The following RALGAPA2 variants were observed in gnomAD, a reference collection of about 807,000 sequenced individuals.
RALGAPA2 encodes the protein Ral GTPase activating protein catalytic subunit alpha 2.
In RALGAPA2, 139 loss-of-function variants were observed where a neutral mutation model predicts 230.4. The ratio of observed to expected loss-of-function variants is 0.60; its 90% CI spans 0.53 to 0.69. RALGAPA2 has a LOEUF of 0.69. Among genes scored for constraint, RALGAPA2 ranks in the 30% least tolerant of loss-of-function variants. The pLI is 0.00. For missense variants in RALGAPA2, 2,163 were observed against 2,276.0 expected, an observed-to-expected ratio of 0.95 and a Z score of 1.01; for synonymous variants, 847 against 837.8, an observed-to-expected ratio of 1.01 and a Z score of -0.19.
intron 3 of RALGAPA2, 85 bp downstream of exon 3, chr20:20,676,151 A>G: frequency 1.0e-6 from 1 of 980,464 alleles, no homozygotes; most frequent in East Asian, 2.8e-5. Context: ...AGCCATTTTT[A>G]TTTGTCTTCA....
At chr20:20,563,971 T>C (rs1021829427) in intron 23 of RALGAPA2, among the ~76,000 whole-genome samples, 5 of 152,162 alleles carry the variant, frequency 3.3e-5, no homozygotes, top group African/African-American at 1.2e-4. Context: ...ACCTTGCCCC[T>C]GGGCTATTAT....
chr20:20,394,889 CAA>C (rs10673778), intron 39 of RALGAPA2, among the ~76,000 whole-genome samples: 2 of 44,642 alleles, frequency 4.5e-5, no homozygotes, highest in African/African-American at 1.8e-4. Flanking sequence ...AATAAATAAG[CAA>C]AAAAAAAAAA....
chr20:20,679,009 A>G (rs1210531748), intron 2 of RALGAPA2, among the ~76,000 whole-genome samples: 3 of 152,134 alleles, frequency 2.0e-5, no homozygotes, highest in Non-Finnish European at 4.4e-5. Flanking sequence ...TCCTTTGCAT[A>G]TACCCAATAA....
At chr20:20,503,832 T>C (rs1273671716) in intron 34 of RALGAPA2, among the ~76,000 whole-genome samples, 2 of 152,188 alleles carry the variant, frequency 1.3e-5, no homozygotes, top group Non-Finnish European at 2.9e-5. Flanking sequence ...GGTTCCCTAT[T>C]GATGGATTTT....
At chr20:20,615,032 C>T (rs1428311071) in intron 13 of RALGAPA2, among the ~76,000 whole-genome samples, 1 of 151,976 alleles carries the variant, frequency 6.6e-6, no homozygotes, top group Non-Finnish European at 1.5e-5. Context: ...GCTTGAGGAG[C>T]ATTTTAAAGG....
chr20:20,512,466 C>T, intron 32 of RALGAPA2, 47 bp downstream of exon 32: 3 of 1,462,112 alleles, frequency 2.1e-6, no homozygotes, highest in Non-Finnish European at 2.7e-6. Flanking sequence ...AGAACAAGTA[C>T]ATGAAAATAA....
intron 13 of RALGAPA2, among the ~76,000 whole-genome samples, chr20:20,614,465 G>T (rs2066072268): frequency 6.6e-6 from 1 of 152,168 alleles, no homozygotes. Flanking sequence ...TATTTCAGTT[G>T]AAAGCATATA....
At chr20:20,674,822 G>A (rs2144280) in intron 3 of RALGAPA2, among the ~76,000 whole-genome samples, 12,965 of 152,232 alleles carry the variant, frequency 0.085, 812 homozygotes, top group African/African-American at 0.16. Context: ...GTACAAATAT[G>A]TGTGGCAAAG....
At chr20:20,584,438 T>C (rs981279808) in intron 19 of RALGAPA2, among the ~76,000 whole-genome samples, 8 of 152,148 alleles carry the variant, frequency 5.3e-5, no homozygotes, top group Non-Finnish European at 1.2e-4. Flanking sequence ...TGTTTTATTA[T>C]ATGTATGGAT....
At chr20:20,501,619 A>T (rs2062379239) in intron 35 of RALGAPA2, among the ~76,000 whole-genome samples, 1 of 152,224 alleles carries the variant, frequency 6.6e-6, no homozygotes, top group Non-Finnish European at 1.5e-5. Flanking sequence ...CGTTTTCTTT[A>T]TCATTCATGT....
chr20:20,591,411 T>C (rs1016234282), intron 16 of RALGAPA2, 97 bp from the exon 17 acceptor site: 1 of 1,336,984 alleles, frequency 7.5e-7, no homozygotes, highest in African/African-American at 1.5e-5. Flanking sequence ...AAGTTTCAAA[T>C]GCTTTTCACA....
chr20:20,610,598 C>T (rs73292782), intron 14 of RALGAPA2, among the ~76,000 whole-genome samples: 1,671 of 152,280 alleles, frequency 0.011, 27 homozygotes, highest in African/African-American at 0.038. Flanking sequence ...TTAGTACCAC[C>T]CACCTTAAAC....
intron 11 of RALGAPA2, 24 bp downstream of exon 11, chr20:20,620,439 C>T (rs1421375374): frequency 1.2e-6 from 2 of 1,610,184 alleles, no homozygotes; most frequent in Non-Finnish European, 1.7e-6. Context: ...ACCCTCAACT[C>T]AAAAGACAAG....
chr20:20,675,724 T>A (rs553104303), intron 3 of RALGAPA2, among the ~76,000 whole-genome samples: 1 of 152,162 alleles, frequency 6.6e-6, no homozygotes, highest in Middle Eastern at 3.2e-3. Context: ...ATAAAGATCA[T>A]AACCTCACTA....
chr20:20,458,530 TTATATATAATATATATGTATTTTA>T (rs2061189947), intron 37 of RALGAPA2, among the ~76,000 whole-genome samples: 1 of 137,928 alleles, frequency 7.3e-6, no homozygotes, highest in Non-Finnish European at 1.5e-5. Flanking sequence ...TTTATATATA[TTATATATAATATATATGTATTTTA>T]TATATATTAT....
intron 20 of RALGAPA2, among the ~76,000 whole-genome samples, chr20:20,574,464 T>C (rs2064756068): frequency 6.6e-6 from 1 of 152,202 alleles, no homozygotes; most frequent in South Asian, 2.1e-4. Flanking sequence ...GTTATAGAAT[T>C]TTGTTCTTTG....
chr20:20,425,132 T>C (rs1177640842), intron 37 of RALGAPA2, among the ~76,000 whole-genome samples: 1 of 152,170 alleles, frequency 6.6e-6, no homozygotes, highest in Non-Finnish European at 1.5e-5. Flanking sequence ...TGATATACGA[T>C]AGATAACAAG....
intron 29 of RALGAPA2, 98 bp from the exon 30 acceptor site, chr20:20,524,641 A>G (rs1003126586): frequency 6.7e-7 from 1 of 1,487,902 alleles, no homozygotes. Context: ...TATTCAGTGG[A>G]CATGCAGGTG....
intron 33 of RALGAPA2, among the ~76,000 whole-genome samples, chr20:20,506,337 A>T (rs1173121824): frequency 6.6e-6 from 1 of 152,190 alleles, no homozygotes; most frequent in Non-Finnish European, 1.5e-5. Context: ...GTGTTCAGTT[A>T]AGTCTCTGTT....
Sources: gnomAD v4.1 joint callset for allele counts (sites outside exome capture counted in the v4.1 genomes callset) on GRCh38, gnomAD v4.1.1 for gene constraint, MANE v1.5 for transcripts, NCBI Gene and HGNC (gene_info 2026-07-23, HGNC 2026-07-21) for gene names.